Variants in THRA observed in about 807,000 individuals in gnomAD.
The protein encoded by THRA is EAR-7.
THRA carries 13 observed loss-of-function variants against 45.0 expected under a neutral mutation model. That is an observed-to-expected ratio of 0.29 (90% confidence interval 0.19 to 0.46). The LOEUF (loss-of-function observed/expected upper bound fraction) is 0.46, where lower values mean the gene tolerates loss of function less well. Ranked by LOEUF, THRA falls within the 20% of genes least tolerant of loss-of-function variation. The probability of loss-of-function intolerance (pLI) is 1.00; values close to 1 mark genes in which losing one functional copy is unlikely to be tolerated. For missense variants in THRA, 278 were observed against 556.1 expected, an observed-to-expected ratio of 0.50 and a Z score of 5.03; for synonymous variants, 195 against 214.0, an observed-to-expected ratio of 0.91 and a Z score of 0.78.
upstream of THRA, chr17:40,062,519 G>A (rs1343335939): frequency 2.6e-5 from 4 of 152,110 alleles, no homozygotes; most frequent in African/African-American, 9.7e-5. Flanking sequence ...GCAAGCGTTT[G>A]GTGTTTAGAC....
Position 40,088,331 on chromosome 17 carries a change from C to T in THRA, c.813C>T (p.Ser271=), listed in dbSNP as rs374142192. 8.7e-6 allele frequency: 14 copies of T among 1,613,764 alleles called. No homozygotes were observed. The highest frequency in any genetic ancestry group is 2.7e-5 in the African/African-American group (2 of 74,914). The change falls in exon 8 of 9, where the codon AGC becomes AGT. Residue 271 remains serine, a synonymous_variant. Coordinates refer to ENST00000450525, the MANE Select transcript of THRA (RefSeq NM_199334.5). ...LRAAVRYDPE[S]DTLTLSGEMA... ...CGGCTGTCCGCTACGACCCTGAGAG[C>T]GACACCCTGACGCTGAGTGGGGAGA... is the stretch of plus-strand genomic sequence containing the variant.
At position 40,076,697 on chromosome 17, in the gene THRA, CT is replaced by C. The variant is rs1365016164; in HGVS notation, c.54-172del. ...AGCCCCTTATCTCTCTCCCCTGCAA[CT>C]TCCAGATAACTGGACCCTTTTAAGC... On this transcript the variant is annotated intron_variant, in intron 2 of 8. Coordinates refer to ENST00000450525, the MANE Select transcript of THRA (RefSeq NM_199334.5). Among the ~76,000 whole-genome samples the C allele has an allele frequency of 2.0e-5, 3 of 152,280 alleles. No homozygotes were observed. The East Asian group carries it at 5.8e-4, about 29-fold the overall frequency.
intron 4 of THRA, among the ~76,000 whole-genome samples, chr17:40,079,529 A>G (rs1987066789): frequency 6.6e-6 from 1 of 152,012 alleles, no homozygotes; most frequent in Admixed American, 6.5e-5. Flanking sequence ...GCCTAATTAG[A>G]TTTCACTTTG....
rs568334894 is a variant in THRA, at chr17:40,070,315, C to T, written c.-297-3877C>T. Among the ~76,000 whole-genome samples the T allele has an allele frequency of 5.9e-5, 9 of 152,342 alleles. No homozygotes were observed. The South Asian group carries it at 1.9e-3, about 32-fold the overall frequency. ...CTTCCTTCCCGCCTTCACTCCTCCT[C>T]TCCTTCCTGGCACTAGGATAACAGA... On this transcript the variant is annotated intron_variant, in intron 1 of 8. Coordinates refer to ENST00000450525, the MANE Select transcript of THRA (RefSeq NM_199334.5).
chr17:40,079,939 C>T (rs145242749), intron 4 of THRA, among the ~76,000 whole-genome samples: 4 of 152,106 alleles, frequency 2.6e-5, no homozygotes, highest in Middle Eastern at 3.4e-3. Flanking sequence ...TAGTGATGTA[C>T]GCCTGTAATC....
intron 6 of THRA, among the ~76,000 whole-genome samples, chr17:40,086,241 G>A (rs1267748831): frequency 6.6e-6 from 1 of 152,168 alleles, no homozygotes; most frequent in African/African-American, 2.4e-5. Context: ...AAGGGCACGG[G>A]CTCTGATTCC....
upstream of THRA, chr17:40,062,831 C>A (rs1215801646): frequency 6.9e-6 from 1 of 145,958 alleles, no homozygotes; most frequent in Non-Finnish European, 1.5e-5. Context: ...CAGGGAGCAG[C>A]CGCGAGCCGG....
intron 1 of THRA, among the ~76,000 whole-genome samples, chr17:40,071,141 C>T (rs1183354324): frequency 6.6e-6 from 1 of 152,090 alleles, no homozygotes; most frequent in Non-Finnish European, 1.5e-5. Context: ...AGCCGCCCCG[C>T]ATGTACGTGT....
Position 40,086,501 on chromosome 17 carries a change from C to A in THRA, c.577-206C>A, listed in dbSNP as rs114308371. ...GTCATTATAGCTGCTACTACTGTTA[C>A]TACCGTTGTTATTATTAGCTGACTT... On this transcript the variant is annotated intron_variant, in intron 6 of 8. Coordinates refer to ENST00000450525, the MANE Select transcript of THRA (RefSeq NM_199334.5). Among the ~76,000 whole-genome samples, 741 of 152,298 alleles carry A rather than the reference C, an allele frequency of 4.9e-3. 3 individuals carry two copies. Among genetic ancestry groups the A allele is most frequent in the African/African-American group, 0.016 (669 of 41,554 alleles).
At chr17:40,081,776 C>G (rs904299819) in intron 4 of THRA, among the ~76,000 whole-genome samples, 3 of 151,652 alleles carry the variant, frequency 2.0e-5, no homozygotes, top group Admixed American at 6.6e-5. Context: ...CCAGCCTGGC[C>G]AACATGGTGA....
intron 5 of THRA, 48 bp from the exon 6 acceptor site, chr17:40,084,562 G>C (rs1171684682): frequency 2.5e-6 from 4 of 1,594,402 alleles, no homozygotes; most frequent in Admixed American, 1.7e-5. Flanking sequence ...ATTATGGAAA[G>C]GGGATGGAGG....
chr17:40,073,856 G>C (rs1448669896), intron 1 of THRA, among the ~76,000 whole-genome samples: 1 of 152,100 alleles, frequency 6.6e-6, no homozygotes, highest in Non-Finnish European at 1.5e-5. Context: ...AGCTTTTCTA[G>C]AGGGGTGGTA....
At chr17:40,066,202 G>C (rs1467729299) in intron 1 of THRA, among the ~76,000 whole-genome samples, 2 of 152,172 alleles carry the variant, frequency 1.3e-5, no homozygotes, top group African/African-American at 4.8e-5. Flanking sequence ...TGAGGAGGGG[G>C]AACTCAGGCA....
At chr17:40,063,452 G>A (rs922299028) in intron 1 of THRA, among the ~76,000 whole-genome samples, 5 of 151,918 alleles carry the variant, frequency 3.3e-5, no homozygotes, top group African/African-American at 1.2e-4. Context: ...GCCGCGCCGC[G>A]GTTTGTTTAC....
At chr17:40,073,774 C>T (rs1986858560) in intron 1 of THRA, among the ~76,000 whole-genome samples, 1 of 152,162 alleles carries the variant, frequency 6.6e-6, no homozygotes, top group South Asian at 2.1e-4. Flanking sequence ...CACAGATACC[C>T]TCCCTGCCTA....
chr17:40,064,095 C>T (rs1414815038), intron 1 of THRA, among the ~76,000 whole-genome samples: 1 of 152,154 alleles, frequency 6.6e-6, no homozygotes, highest in Non-Finnish European at 1.5e-5. Flanking sequence ...CATCCAGGGA[C>T]ACCCAGGCAG....
chr17:40,082,400 T>A (rs7405535), intron 4 of THRA, among the ~76,000 whole-genome samples: 4 of 151,652 alleles, frequency 2.6e-5, no homozygotes, highest in Non-Finnish European at 5.9e-5. Flanking sequence ...TTTTTTTTTC[T>A]TTTTTGAGAT....
chr17:40,070,607 GC>G (rs1414114133), intron 1 of THRA, among the ~76,000 whole-genome samples: 1 of 152,134 alleles, frequency 6.6e-6, no homozygotes, highest in Non-Finnish European at 1.5e-5. Context: ...CACGGTGGCC[GC>G]CCCGGCCCCT....
intron 4 of THRA, among the ~76,000 whole-genome samples, chr17:40,081,180 A>G (rs1358864836): frequency 6.6e-6 from 1 of 152,206 alleles, no homozygotes; most frequent in African/African-American, 2.4e-5. Context: ...AAGTGGAGGC[A>G]GTAACAGTTC....
Sources: gnomAD v4.1 joint callset for allele counts (sites outside exome capture counted in the v4.1 genomes callset) on GRCh38, gnomAD v4.1.1 for gene constraint, MANE v1.5 for transcripts, NCBI Gene and HGNC (gene_info 2026-07-23, HGNC 2026-07-21) for gene names.